APBA2: variants seen among roughly 807,000 people sequenced by gnomAD.
APBA2 encodes amyloid-beta A4 precursor protein-binding family A member 2.
In APBA2, 30 loss-of-function variants were observed where a neutral mutation model predicts 75.0. The observed-to-expected ratio is 0.40, with a 90% confidence interval of 0.30 to 0.54. APBA2 has a LOEUF of 0.54. APBA2 is among the 20% of genes least tolerant of loss of function. The pLI, the probability that APBA2 is intolerant of heterozygous loss-of-function variation, is 0.49. For synonymous variants in APBA2, 444 were observed against 409.6 expected (o/e 1.08, Z -1.01); for missense variants, 801 against 1,016.1 (o/e 0.79, Z 2.88).
chr15:29,006,192 A>G (rs1185460178), intron 3 of APBA2, among the ~76,000 whole-genome samples: 1 of 152,216 alleles, frequency 6.6e-6, no homozygotes, highest in African/African-American at 2.4e-5. Context: ...AGAAGGCCTT[A>G]AAGACTTCAC....
At chr15:28,964,550 C>G (rs902323562) in intron 2 of APBA2, among the ~76,000 whole-genome samples, 1 of 150,300 alleles carries the variant, frequency 6.7e-6, no homozygotes, top group South Asian at 2.1e-4. Context: ...TGCAGTGGCA[C>G]GAACTTGGCT....
chr15:29,055,668 A>AGTGTGTGTGTGTGTGT lies in APBA2; in HGVS notation c.951+862_951+877dup, dbSNP rs57671107. Among the ~76,000 whole-genome samples the AGTGTGTGTGTGTGTGT allele has an allele frequency of 2.1e-3, 265 of 127,518 alleles. 1 individual carries two copies. Among genetic ancestry groups the AGTGTGTGTGTGTGTGT allele is most frequent in the Admixed American group, 0.014 (181 of 12,820 alleles). The allele number at this position is 127,518 out of a possible 152,430, so 83.7% of individuals were successfully genotyped here. A position where few individuals can be genotyped will look rare whatever the true frequency, so the allele number is the denominator to read the frequency against. ...TTTCCGAGAAGAGTTCATGAATTTG[A>AGTGTGTGTGTGTGTGT]GTGTGTGTGTGTGTGTGTGTGTGTG... is the stretch of plus-strand genomic sequence containing the variant. On this transcript the variant is annotated intron_variant, in intron 4 of 14. Transcript: ENST00000683413.
chr15:28,974,246 C>T lies in APBA2; in HGVS notation c.-94-21507C>T, dbSNP rs139299450. 1.2e-3 allele frequency among the ~76,000 whole-genome samples: 182 copies of T among 152,268 alleles called. 1 individual carries two copies. The highest frequency in any genetic ancestry group is 4.2e-3 in the African/African-American group (175 of 41,548). ...AAGCATTAATGGAAACAAAGAGGGC[C>T]GCTGTCAATGCTAAAGGCTGCAATT... On this transcript the variant is annotated intron_variant, in intron 2 of 14. Coordinates refer to ENST00000683413, the MANE Select transcript of APBA2 (RefSeq NM_001353788.2).
chr15:29,017,397 C>CTTTTTT (rs56993296), intron 3 of APBA2, among the ~76,000 whole-genome samples: 190 of 101,970 alleles, frequency 1.9e-3, no homozygotes, highest in Middle Eastern at 6.1e-3. Context: ...TTCTTTCTTT[C>CTTTTTT]TTTTTTTTTT....
intron 3 of APBA2, among the ~76,000 whole-genome samples, chr15:29,010,825 T>C (rs1296880955): frequency 2.0e-5 from 3 of 152,226 alleles, no homozygotes; most frequent in Non-Finnish European, 4.4e-5. Context: ...TTAAGCCTGC[T>C]TTAGCTGTAA....
chr15:29,057,577 A>C (rs969737686), intron 4 of APBA2, among the ~76,000 whole-genome samples: 2 of 152,236 alleles, frequency 1.3e-5, no homozygotes, highest in Non-Finnish European at 2.9e-5. Context: ...CGTAGCTGTC[A>C]TCATAACCCA....
intron 4 of APBA2, among the ~76,000 whole-genome samples, chr15:29,070,242 G>A (rs2152919000): frequency 6.6e-6 from 1 of 152,324 alleles, no homozygotes; most frequent in South Asian, 2.1e-4. Flanking sequence ...TTTATTGTAT[G>A]TGTATTTTAC....
chr15:28,908,315 G>GTTTTTTTTTTTTTTTTTTTT lies in APBA2; in HGVS notation c.-204-13312_-204-13311insTTTTTTTTTTTTTTTTTTTT, dbSNP rs765084356. 7.1e-3 allele frequency among the ~76,000 whole-genome samples: 978 copies of GTTTTTTTTTTTTTTTTTTTT among 137,340 alleles called. 101 individuals are homozygous for GTTTTTTTTTTTTTTTTTTTT. The highest frequency in any genetic ancestry group is 0.029 in the African/African-American group (941 of 32,966). 90.1% of individuals were successfully genotyped at this position (137,340 alleles called of 152,430 possible). On this transcript the variant is annotated intron_variant, in intron 1 of 14. Transcript: ENST00000683413. ...TTGTTTTTGTTTGTTTTGTTTTCTT[G>GTTTTTTTTTTTTTTTTTTTT]TTTTTTTTTTTTTGAGACAGAGTCT...
chr15:28,946,171 T>G (rs532167169), intron 2 of APBA2, among the ~76,000 whole-genome samples: 1 of 152,204 alleles, frequency 6.6e-6, no homozygotes, highest in Non-Finnish European at 1.5e-5. Flanking sequence ...GACAGGAAAA[T>G]GGTCTTCAGA....
rs577978055 is a variant in APBA2, at chr15:29,099,411, C to A, written c.1338+835C>A. Among the ~76,000 whole-genome samples, 128 of 152,346 alleles carry A rather than the reference C, an allele frequency of 8.4e-4. 5 individuals carry two copies. The South Asian group carries it at 0.025, about 30-fold the overall frequency. ...CCGCAGTCACACAGGACACACTGAACTCCCTGGCAAGGGGCTGTGACAACA... is the reference window on the plus strand; with the variant it reads ...CCGCAGTCACACAGGACACACTGAAATCCCTGGCAAGGGGCTGTGACAACA... On this transcript the variant is annotated intron_variant, in intron 9 of 14. Coordinates refer to ENST00000683413, the MANE Select transcript of APBA2 (RefSeq NM_001353788.2).
At chr15:29,014,626 A>G (rs1245823151) in intron 3 of APBA2, among the ~76,000 whole-genome samples, 1 of 152,064 alleles carries the variant, frequency 6.6e-6, no homozygotes, top group Non-Finnish European at 1.5e-5. Flanking sequence ...TTTCTGTTGA[A>G]CAGAGCTGTT....
chr15:28,960,632 A>G (rs1595572846), intron 2 of APBA2, among the ~76,000 whole-genome samples: 1 of 152,010 alleles, frequency 6.6e-6, no homozygotes, highest in Non-Finnish European at 1.5e-5. Context: ...GGCTTCAGGT[A>G]TGGGAAGGGT....
intron 2 of APBA2, among the ~76,000 whole-genome samples, chr15:28,957,558 T>G (rs1031392331): frequency 3.9e-5 from 6 of 152,126 alleles, no homozygotes; most frequent in Non-Finnish European, 5.9e-5. Context: ...TCACCAACAC[T>G]TGTTATTTTC....
intron 3 of APBA2, among the ~76,000 whole-genome samples, chr15:28,998,708 A>G (rs1232302900): frequency 6.6e-6 from 1 of 152,194 alleles, no homozygotes; most frequent in Non-Finnish European, 1.5e-5. Flanking sequence ...AAGTGCTCAT[A>G]TGTATAGGAA....
chr15:28,951,494 G>A (rs1204487212), intron 2 of APBA2, among the ~76,000 whole-genome samples: 2 of 152,210 alleles, frequency 1.3e-5, no homozygotes, highest in African/African-American at 4.8e-5. Context: ...TGTCACCGAG[G>A]TACATTGCTT....
chr15:28,986,913 C>T (rs907540726), intron 2 of APBA2, among the ~76,000 whole-genome samples: 1 of 152,198 alleles, frequency 6.6e-6, no homozygotes, highest in Non-Finnish European at 1.5e-5. Flanking sequence ...AGTCTAAGAT[C>T]AAGGCGCCAA....
At chr15:28,887,580 G>A (rs1054291956) in intron 1 of APBA2, among the ~76,000 whole-genome samples, 4 of 152,118 alleles carry the variant, frequency 2.6e-5, no homozygotes, top group Non-Finnish European at 4.4e-5. Flanking sequence ...AGGATGCCCT[G>A]CCCTCTGTGC....
chr15:28,911,240 G>T (rs966887124), intron 1 of APBA2, among the ~76,000 whole-genome samples: 1 of 152,176 alleles, frequency 6.6e-6, no homozygotes, highest in African/African-American at 2.4e-5. Flanking sequence ...TGGCAGAACA[G>T]TTTGGGTTCT....
At chr15:29,108,451 G>C (rs1172539915) in intron 13 of APBA2, 62 bp downstream of exon 13, 3 of 1,611,572 alleles carry the variant, frequency 1.9e-6, no homozygotes, top group Non-Finnish European at 2.5e-6. Flanking sequence ...AGGGGGAGCA[G>C]CTCCCGTCCA....
Sources: gnomAD v4.1 joint callset for allele counts (sites outside exome capture counted in the v4.1 genomes callset) on GRCh38, gnomAD v4.1.1 for gene constraint, MANE v1.5 for transcripts, NCBI Gene and HGNC (gene_info 2026-07-23, HGNC 2026-07-21) for gene names.